Variants in CNBD1 observed in about 807,000 individuals in gnomAD.
CNBD1 encodes the protein cyclic nucleotide binding domain containing 1, also known as cyclic nucleotide-binding domain-containing protein 1.
CNBD1 carries 71 observed loss-of-function variants against 54.4 expected under a neutral mutation model. The observed-to-expected ratio is 1.30, with a 90% CI of 1.08 to 1.59. The LOEUF is 1.59. CNBD1 is among the 40% of genes most tolerant of loss of function. CNBD1 has a pLI of 0.00. For synonymous variants in CNBD1, 182 were observed against 170.7 expected, an observed-to-expected ratio of 1.07 and a Z score of -0.51; for missense variants, 659 against 518.0, an observed-to-expected ratio of 1.27 and a Z score of -2.64.
At chr8:86,875,956 C>CTT (rs1426072502) in intron 1 of CNBD1, among the ~76,000 whole-genome samples, 1 of 152,048 alleles carries the variant, frequency 6.6e-6, no homozygotes, top group Admixed American at 6.6e-5. Flanking sequence ...GCACTATACC[C>CTT]TCGTATATAT....
At chr8:87,167,069 A>C (rs1224952149) in intron 4 of CNBD1, among the ~76,000 whole-genome samples, 1 of 151,990 alleles carries the variant, frequency 6.6e-6, no homozygotes, top group Non-Finnish European at 1.5e-5. Context: ...AATACATGGA[A>C]ATATTAGGAT....
At chr8:86,940,215 C>T (rs887581288) in intron 4 of CNBD1, among the ~76,000 whole-genome samples, 1 of 139,974 alleles carries the variant, frequency 7.1e-6, no homozygotes, top group Non-Finnish European at 1.5e-5. Flanking sequence ...ACTGCAACCT[C>T]TGCTTCAATG....
intron 4 of CNBD1, among the ~76,000 whole-genome samples, chr8:86,969,787 T>TACACAC (rs1352175539): frequency 5.6e-5 from 2 of 35,532 alleles, no homozygotes; most frequent in Non-Finnish European, 1.3e-4. Flanking sequence ...GTTTTATATA[T>TACACAC]ATATATACAC....
chr8:87,317,731 G>A (rs1809419929), intron 8 of CNBD1, among the ~76,000 whole-genome samples: 1 of 151,752 alleles, frequency 6.6e-6, no homozygotes, highest in Non-Finnish European at 1.5e-5. Flanking sequence ...TATTGGATGA[G>A]GTATTAGTTT....
At chr8:87,428,359 G>T (rs1395789129) in intron 2 of CNBD1, among the ~76,000 whole-genome samples, 1 of 152,046 alleles carries the variant, frequency 6.6e-6, no homozygotes, top group Non-Finnish European at 1.5e-5. Context: ...AATTACTGAT[G>T]CTAAAATTTT....
At chr8:87,183,709 G>A (rs1813412168) in intron 4 of CNBD1, among the ~76,000 whole-genome samples, 2 of 152,012 alleles carry the variant, frequency 1.3e-5, no homozygotes, top group Admixed American at 1.3e-4. Context: ...AGGGCTTTTT[G>A]CTTTTGTATT....
chr8:87,420,475 T>C (rs947608142), intron 2 of CNBD1, among the ~76,000 whole-genome samples: 16 of 152,090 alleles, frequency 1.1e-4, no homozygotes, highest in African/African-American at 3.9e-4. Context: ...GCATGCCTCT[T>C]TGTTGAAATG....
intron 5 of CNBD1, among the ~76,000 whole-genome samples, chr8:87,232,212 A>G (rs911883425): frequency 4.6e-5 from 7 of 152,164 alleles, no homozygotes; most frequent in African/African-American, 1.7e-4. Context: ...GAGTTCAGCT[A>G]TTATGATAAA....
intron 1 of CNBD1, among the ~76,000 whole-genome samples, chr8:86,871,975 A>G (rs1429182057): frequency 1.3e-5 from 2 of 152,364 alleles, no homozygotes; most frequent in East Asian, 1.9e-4. Flanking sequence ...TACTAGAGTT[A>G]AAGTACTCAG....
At chr8:87,097,065 T>C (rs1265200966) in intron 4 of CNBD1, among the ~76,000 whole-genome samples, 1 of 152,118 alleles carries the variant, frequency 6.6e-6, no homozygotes, top group Non-Finnish European at 1.5e-5. Context: ...CCTCAAAAGC[T>C]TGCTTTTTAG....
At chr8:86,921,977 A>G (rs1028930391) in intron 3 of CNBD1, among the ~76,000 whole-genome samples, 1 of 152,096 alleles carries the variant, frequency 6.6e-6, no homozygotes, top group Non-Finnish European at 1.5e-5. Flanking sequence ...GGGCAGGGGT[A>G]GTTGCATTGA....
chr8:86,973,196 G>T (rs1808264696), intron 4 of CNBD1, among the ~76,000 whole-genome samples: 1 of 151,958 alleles, frequency 6.6e-6, no homozygotes, highest in Non-Finnish European at 1.5e-5. Context: ...TTTCTGATTG[G>T]GCTGCTATTT....
intron 4 of CNBD1, among the ~76,000 whole-genome samples, chr8:87,156,429 A>G (rs1812744058): frequency 6.6e-6 from 1 of 150,536 alleles, no homozygotes; most frequent in Non-Finnish European, 1.5e-5. Context: ...TATTTTTAAT[A>G]GAAGCGGATT....
intron 4 of CNBD1, among the ~76,000 whole-genome samples, chr8:87,036,369 C>T (rs998728330): frequency 3.3e-5 from 5 of 151,952 alleles, no homozygotes; most frequent in South Asian, 2.1e-4. Context: ...CCGAGGCGGG[C>T]GGATCACGAG....
At chr8:87,428,500 TTA>T (rs868676804) in intron 2 of CNBD1, 1 of 391,228 alleles carries the variant, frequency 2.6e-6, no homozygotes, top group Non-Finnish European at 5.0e-6. Flanking sequence ...TTTATGAAGA[TTA>T]TTTTTTTATG....
At chr8:87,159,860 T>A (rs1812818971) in intron 4 of CNBD1, among the ~76,000 whole-genome samples, 1 of 152,126 alleles carries the variant, frequency 6.6e-6, no homozygotes, top group African/African-American at 2.4e-5. Flanking sequence ...TCATTTCAAC[T>A]AATGATATAG....
chr8:87,230,581 T>G (rs1050711152), intron 5 of CNBD1, among the ~76,000 whole-genome samples: 21 of 152,208 alleles, frequency 1.4e-4, no homozygotes, highest in Non-Finnish European at 2.9e-4. Context: ...ACAAGTTATT[T>G]TATCATTCTG....
chr8:87,021,799 T>G (rs1809492860), intron 4 of CNBD1, among the ~76,000 whole-genome samples: 1 of 152,098 alleles, frequency 6.6e-6, no homozygotes. Context: ...ATAATATGAA[T>G]AAAAATGTAA....
intron 6 of CNBD1, among the ~76,000 whole-genome samples, chr8:87,278,611 G>C (rs1264800981): frequency 6.6e-6 from 1 of 151,510 alleles, no homozygotes; most frequent in Non-Finnish European, 1.5e-5. Flanking sequence ...CAGACAAAGA[G>C]TAAAGAAAGA....
Sources: gnomAD v4.1 joint callset for allele counts (sites outside exome capture counted in the v4.1 genomes callset) on GRCh38, gnomAD v4.1.1 for gene constraint, MANE v1.5 for transcripts, NCBI Gene and HGNC (gene_info 2026-07-23, HGNC 2026-07-21) for gene names.